The following TLK2 variants were observed in gnomAD, a reference collection of about 807,000 sequenced individuals.
The protein encoded by TLK2 is serine/threonine-protein kinase tousled-like 2.
A neutral mutation model predicts 117.3 loss-of-function variants in TLK2; 6 were observed. The observed-to-expected ratio is 0.05, with a 90% CI of 0.03 to 0.10. The LOEUF is 0.10. Ranked by LOEUF, TLK2 falls within the 10% of genes least tolerant of loss-of-function variation. The probability of loss-of-function intolerance (pLI) is 1.00; values close to 1 mark genes in which losing one functional copy is unlikely to be tolerated. For missense variants in TLK2, 299 were observed against 901.2 expected (o/e 0.33, Z 8.56); for synonymous variants, 257 against 316.7 (o/e 0.81, Z 2.00).
chr17:62,604,140 G>A (rs1171104738), intron 19 of TLK2, among the ~76,000 whole-genome samples: 6 of 151,998 alleles, frequency 3.9e-5, no homozygotes, highest in African/African-American at 1.4e-4. Flanking sequence ...AAGTAGCTGG[G>A]TTTACATGCA....
In TLK2 at chr17:62,614,559, CTCAG is replaced by C. The variant is rs2084001497; in HGVS notation, c.*1996_*1999del. ...TGTTTTGTGGACCTGCCTCAGTCTC[CTCAG>C]TATCAGGCGATCTTAAGGGAAGATG... On this transcript the variant is annotated 3_prime_UTR_variant, in exon 22 of 22. Coordinates refer to ENST00000346027, the MANE Select transcript of TLK2 (RefSeq NM_006852.6). The C allele has an allele frequency of 3.9e-5, 6 of 152,098 alleles. No homozygotes were observed. Among genetic ancestry groups the C allele is most frequent in the Non-Finnish European group, 8.8e-5 (6 of 68,042 alleles). 9.4% of individuals were successfully genotyped at this position (152,098 alleles called of 1,614,324 possible).
chr17:62,493,144 G>A (rs146188011), intron 2 of TLK2, among the ~76,000 whole-genome samples: 1 of 152,044 alleles, frequency 6.6e-6, no homozygotes, highest in Non-Finnish European at 1.5e-5. Context: ...AACTCCCCAG[G>A]CCCTGGCAAC....
intron 6 of TLK2, among the ~76,000 whole-genome samples, chr17:62,526,929 G>A (rs1271364115): frequency 6.6e-6 from 1 of 152,108 alleles, no homozygotes; most frequent in Non-Finnish European, 1.5e-5. Flanking sequence ...CCCAGCACTC[G>A]TCTGCTCAAC....
intron 16 of TLK2, among the ~76,000 whole-genome samples, chr17:62,591,860 C>T (rs2082105746): frequency 2.0e-5 from 3 of 152,070 alleles, no homozygotes; most frequent in South Asian, 2.1e-4. Context: ...GTGTCTTTTC[C>T]AACTAGCCTT....
In TLK2 at chr17:62,608,128, G is replaced by T. The variant is rs1178791121; in HGVS notation, c.2059G>T (p.Val687Leu). 6.2e-7 allele frequency: 1 copy of T among 1,613,724 alleles called. No homozygotes were observed. The change falls in exon 21 of 22, where the codon GTA becomes TTA. Residue 687 changes from valine to leucine, a missense_variant. Physicochemically the swap from Val to Leu is conservative, Grantham distance 32. This residue lies in a region of TLK2 where 81 missense variants were observed against 370.9 expected (regional missense o/e 0.22). Coordinates refer to ENST00000346027, the MANE Select transcript of TLK2 (RefSeq NM_006852.6). ...ATEVQFPPKPVVTPEAKAFIR... is the reference protein window; with the variant it reads ...ATEVQFPPKPLVTPEAKAFIR... ...TGAAGTGCAGTTCCCGCCAAAGCCAGTAGTAACACCTGAAGCAAAGGTAAG... is the reference window on the plus strand; with the variant it reads ...TGAAGTGCAGTTCCCGCCAAAGCCATTAGTAACACCTGAAGCAAAGGTAAG...
rs773845384 is a variant in TLK2, at chr17:62,481,112, C to A, written c.-5-9C>A. The A allele has an allele frequency of 6.1e-5, 99 of 1,612,684 alleles. No individual in the cohort carries two copies. The East Asian group carries it at 2.1e-3, about 34-fold the overall frequency. ...TTTATGGTTTCACAGCCTACTTTTT[C>A]TTTTTCAGCAGAAATGATGGAAGAA... On this transcript the variant is annotated splice_polypyrimidine_tract_variant and intron_variant, in intron 1 of 21. Coordinates refer to ENST00000346027, the MANE Select transcript of TLK2 (RefSeq NM_006852.6).
chr17:62,537,901 A>T lies in TLK2; in HGVS notation c.531+1564A>T, dbSNP rs143100431. Reference sequence around the variant, plus strand: ...TGACCTATATAATATTGTGAGAGGGACTGACAGCAGTATGGAATAGTTCCT... The same window carrying T: ...TGACCTATATAATATTGTGAGAGGGTCTGACAGCAGTATGGAATAGTTCCT... On this transcript the variant is annotated intron_variant, in intron 7 of 21. Coordinates refer to ENST00000346027, the MANE Select transcript of TLK2 (RefSeq NM_006852.6). 3.5e-3 allele frequency among the ~76,000 whole-genome samples: 527 copies of T among 152,252 alleles called. 3 individuals carry two copies. The highest frequency in any genetic ancestry group is 0.012 in the African/African-American group (492 of 41,552).
At chr17:62,510,585 A>G (rs973219603) in intron 2 of TLK2, among the ~76,000 whole-genome samples, 4 of 152,218 alleles carry the variant, frequency 2.6e-5, no homozygotes, top group Admixed American at 6.5e-5. Flanking sequence ...AGGTGTCAGC[A>G]GGTTTGGTTT....
At chr17:62,583,226 A>G (rs1025855821) in intron 15 of TLK2, among the ~76,000 whole-genome samples, 6 of 152,010 alleles carry the variant, frequency 3.9e-5, no homozygotes, top group African/African-American at 1.4e-4. Context: ...TCCAGTAGCT[A>G]GGATTACAGG....
At chr17:62,539,695 T>C (rs2077369135) in intron 7 of TLK2, among the ~76,000 whole-genome samples, 1 of 152,046 alleles carries the variant, frequency 6.6e-6, no homozygotes, top group Non-Finnish European at 1.5e-5. Flanking sequence ...CCAGGCAACA[T>C]GGTCAACTCC....
At chr17:62,555,534 G>A (rs2078792402) in intron 9 of TLK2, among the ~76,000 whole-genome samples, 1 of 148,842 alleles carries the variant, frequency 6.7e-6, no homozygotes, top group Admixed American at 6.7e-5. Flanking sequence ...CCAGGCTGAA[G>A]TGCAGTGGCG....
chr17:62,505,174 A>G (rs1331256474), intron 2 of TLK2, among the ~76,000 whole-genome samples: 1 of 152,106 alleles, frequency 6.6e-6, no homozygotes, highest in Non-Finnish European at 1.5e-5. Context: ...ACTCACAAGA[A>G]AAAACACTGT....
At chr17:62,566,785 G>A (rs2079830159) in intron 11 of TLK2, among the ~76,000 whole-genome samples, 1 of 152,176 alleles carries the variant, frequency 6.6e-6, no homozygotes, top group African/African-American at 2.4e-5. Context: ...GATCCACATA[G>A]TGGCCAAAGC....
chr17:62,541,846 A>G (rs911724801), intron 7 of TLK2, among the ~76,000 whole-genome samples: 2 of 136,902 alleles, frequency 1.5e-5, no homozygotes, highest in Non-Finnish European at 3.3e-5. Context: ...AGTCTCAAAG[A>G]AAAAAAAAAA....
intron 9 of TLK2, among the ~76,000 whole-genome samples, chr17:62,555,382 G>A (rs1279349735): frequency 1.3e-5 from 2 of 151,958 alleles, no homozygotes; most frequent in Admixed American, 6.6e-5. Flanking sequence ...GGGTAAAATA[G>A]TGTATTTTGA....
rs1198708831 is a variant in TLK2 at position 62,500,507 on chromosome 17, A to G, written c.81+19301A>G. ...CAAAAACTGACAGTTGAAAGGAGAA[A>G]TAGACAAATCCACAATTACATTTGG... is the stretch of plus-strand genomic sequence containing the variant. On this transcript the variant is annotated intron_variant, in intron 2 of 21. Coordinates refer to ENST00000346027, the MANE Select transcript of TLK2 (RefSeq NM_006852.6). Among the ~76,000 whole-genome samples the G allele has an allele frequency of 2.0e-5, 3 of 152,204 alleles. No individual in the cohort carries two copies. The East Asian group carries it at 5.8e-4, about 29-fold the overall frequency.
At chr17:62,548,543 A>C (rs1337332954) in intron 7 of TLK2, among the ~76,000 whole-genome samples, 5 of 151,852 alleles carry the variant, frequency 3.3e-5, no homozygotes, top group Non-Finnish European at 7.4e-5. Context: ...GGCCTCCCAA[A>C]GTGACAGGAT....
intron 6 of TLK2, among the ~76,000 whole-genome samples, chr17:62,528,209 T>C (rs1184284590): frequency 1.3e-5 from 2 of 152,150 alleles, no homozygotes; most frequent in Admixed American, 1.3e-4. Context: ...TGGGACACAA[T>C]AGGTGTTCAA....
intron 17 of TLK2, among the ~76,000 whole-genome samples, chr17:62,598,338 T>C (rs2082630104): frequency 6.6e-6 from 1 of 152,354 alleles, no homozygotes; most frequent in South Asian, 2.1e-4. Context: ...TACACACTTT[T>C]AACTAATGTG....
Sources: allele counts gnomAD v4.1 joint callset (sites outside exome capture counted in the v4.1 genomes callset), GRCh38; gene constraint gnomAD v4.1.1; regional missense constraint gnomAD v4.1.1; transcripts MANE v1.5; gene names NCBI Gene and HGNC (gene_info 2026-07-23, HGNC 2026-07-21).